The following CFAP97 variants were observed in gnomAD, a reference collection of about 807,000 sequenced individuals.
The protein encoded by CFAP97 is cilia- and flagella-associated protein 97.
Under a neutral mutation model 43.1 loss-of-function variants are expected in CFAP97, and 36 were observed. The observed-to-expected ratio is 0.84, with a 90% CI of 0.64 to 1.10. The LOEUF (loss-of-function observed/expected upper bound fraction) is 1.10, where lower values mean the gene tolerates loss of function less well. Among genes scored for constraint, CFAP97 ranks in the 50% least tolerant of loss-of-function variants. The probability of loss-of-function intolerance (pLI) is 0.00; values close to 1 mark genes in which losing one functional copy is unlikely to be tolerated. For missense variants in CFAP97, 657 were observed against 620.3 expected, an observed-to-expected ratio of 1.06 and a Z score of -0.63; for synonymous variants, 228 against 225.7, an observed-to-expected ratio of 1.01 and a Z score of -0.09.
At chr4:185,173,687 C>T (rs980014568) in intron 3 of CFAP97, among the ~76,000 whole-genome samples, 2 of 151,874 alleles carry the variant, frequency 1.3e-5, no homozygotes, top group Non-Finnish European at 2.9e-5. Context: ...TTAGAATAGC[C>T]GAATTCATAG....
intron 2 of CFAP97, among the ~76,000 whole-genome samples, chr4:185,189,874 T>C (rs1028963479): frequency 6.6e-6 from 1 of 152,250 alleles, no homozygotes; most frequent in African/African-American, 2.4e-5. Flanking sequence ...TCATTTATCT[T>C]ATCCATCTGT....
At chr4:185,162,970 T>C (rs1050652578) in intron 4 of CFAP97, 45 bp from the exon 5 acceptor site, 3 of 1,478,450 alleles carry the variant, frequency 2.0e-6, no homozygotes, top group Admixed American at 2.8e-5. Flanking sequence ...TTCTCCTCAC[T>C]TGAAGTCCAG....
chr4:185,174,975 T>C (rs374400144), intron 3 of CFAP97, among the ~76,000 whole-genome samples: 2 of 152,234 alleles, frequency 1.3e-5, no homozygotes, highest in East Asian at 1.9e-4. Flanking sequence ...TATCAAACTA[T>C]ATGATTTGTA....
At chr4:185,168,014 A>G (rs1438460705) in intron 3 of CFAP97, among the ~76,000 whole-genome samples, 2 of 151,830 alleles carry the variant, frequency 1.3e-5, no homozygotes, top group Non-Finnish European at 2.9e-5. Context: ...AAAAAAAAAA[A>G]AAAAAGAACT....
At position 185,169,483 on chromosome 4, in the gene CFAP97, A is replaced by G. The variant is rs565435033; in HGVS notation, c.1321-5304T>C. On this transcript the variant is annotated intron_variant, in intron 3 of 4. Coordinates refer to ENST00000458385, the MANE Select transcript of CFAP97 (RefSeq NM_020827.3). ...CCTGAGGCTTCTCCAGCCTTGCAGA[A>G]CTGTAAGTCAATTAAAACTCTTTTG... 1.4e-4 allele frequency: 78 copies of G among 549,334 alleles called. No homozygotes were observed. The East Asian group carries it at 9.7e-3, about 68-fold the overall frequency. The allele number at this position is 549,334 out of a possible 1,614,324, so 34.0% of individuals were successfully genotyped here.
At chr4:185,170,511 C>T (rs1735256004) in intron 3 of CFAP97, among the ~76,000 whole-genome samples, 1 of 151,878 alleles carries the variant, frequency 6.6e-6, no homozygotes, top group Non-Finnish European at 1.5e-5. Context: ...AGTCTCCTGC[C>T]TCAGCCTCCT....
At chr4:185,164,266 T>C in intron 3 of CFAP97, 87 bp from the exon 4 acceptor site, 3 of 1,252,330 alleles carry the variant, frequency 2.4e-6, no homozygotes, top group Non-Finnish European at 3.2e-6. Flanking sequence ...TGACATTCAC[T>C]TTCTTTCTTT....
At chr4:185,174,350 C>T (rs1296577533) in intron 3 of CFAP97, among the ~76,000 whole-genome samples, 2 of 152,206 alleles carry the variant, frequency 1.3e-5, no homozygotes, top group African/African-American at 4.8e-5. Context: ...TCAGCTCCCA[C>T]CGACCTCATT....
chr4:185,194,432 T>C (rs536521722), intron 1 of CFAP97, among the ~76,000 whole-genome samples: 2 of 152,182 alleles, frequency 1.3e-5, no homozygotes, highest in Non-Finnish European at 2.9e-5. Flanking sequence ...GAAGTTGCAG[T>C]GAGCTGAGAT....
chr4:185,203,697 G>A (rs1737031891), intron 1 of CFAP97: 1 of 152,286 alleles, frequency 6.6e-6, no homozygotes, highest in Non-Finnish European at 1.5e-5. Context: ...GGGGACCGGG[G>A]TGGAACGGCG....
rs540435456 is a variant in CFAP97, at chr4:185,201,209, C to T, written c.-17+2689G>A. 4.6e-5 allele frequency among the ~76,000 whole-genome samples: 7 copies of T among 151,836 alleles called. No homozygotes were observed. In the South Asian group the frequency reaches 1.5e-3, roughly 32 times the overall value. On this transcript the variant is annotated intron_variant, in intron 1 of 4. Coordinates refer to ENST00000458385, the MANE Select transcript of CFAP97 (RefSeq NM_020827.3). ...GGCGTGGTGGCCCATGTCTGTAATCCCAGCTACTTGGGAGGCTGAGGCAGG... is the reference window on the plus strand; with the variant it reads ...GGCGTGGTGGCCCATGTCTGTAATCTCAGCTACTTGGGAGGCTGAGGCAGG...
chr4:185,179,663 CACTGGGTTG>C (rs1735706572), intron 2 of CFAP97, among the ~76,000 whole-genome samples: 1 of 152,176 alleles, frequency 6.6e-6, no homozygotes. Flanking sequence ...GAAAACACAG[CACTGGGTTG>C]ACTGTAGTCC....
At chr4:185,192,869 T>C (rs1323663847) in intron 1 of CFAP97, among the ~76,000 whole-genome samples, 3 of 150,898 alleles carry the variant, frequency 2.0e-5, no homozygotes, top group Non-Finnish European at 4.4e-5. Flanking sequence ...GCCTCCCGAG[T>C]AGCTGGGACT....
At chr4:185,168,514 G>A (rs1209782833) in intron 3 of CFAP97, among the ~76,000 whole-genome samples, 8 of 152,008 alleles carry the variant, frequency 5.3e-5, no homozygotes, top group Non-Finnish European at 1.5e-5. Flanking sequence ...GGCTGAGGCA[G>A]GGGAATCACT....
intron 3 of CFAP97, chr4:185,169,582 T>C: frequency 4.1e-6 from 4 of 977,826 alleles, no homozygotes; most frequent in Non-Finnish European, 4.9e-6. Context: ...GTCCAAACAT[T>C]TATTTTATAT....
chr4:185,193,512 A>G (rs77437746), intron 1 of CFAP97, among the ~76,000 whole-genome samples: 1 of 152,004 alleles, frequency 6.6e-6, no homozygotes, highest in African/African-American at 2.4e-5. Flanking sequence ...CAGGTGTGGT[A>G]GTGTGCGCCT....
Position 185,186,817 on chromosome 4 carries a change from T to A in CFAP97, c.1054+3326A>T, listed in dbSNP as rs1736023217. 3.9e-5 allele frequency among the ~76,000 whole-genome samples: 6 copies of A among 152,228 alleles called. No individual in the cohort carries two copies. The South Asian group carries it at 1.0e-3, about 26-fold the overall frequency. Reference sequence around the variant, plus strand: ...ATATTTACAGATATAAGCTATAACCTATATAAACAAAAGCTCTTCAGAATC... The same window carrying A: ...ATATTTACAGATATAAGCTATAACCAATATAAACAAAAGCTCTTCAGAATC... On this transcript the variant is annotated intron_variant, in intron 2 of 4. Coordinates refer to ENST00000458385, the MANE Select transcript of CFAP97 (RefSeq NM_020827.3).
chr4:185,164,831 T>C (rs374908969), intron 3 of CFAP97, among the ~76,000 whole-genome samples: 4 of 152,214 alleles, frequency 2.6e-5, no homozygotes, highest in Non-Finnish European at 5.9e-5. Context: ...TAATAGGAGT[T>C]ATAATGCTAA....
At chr4:185,169,834 TATC>T (rs1222591083) in intron 3 of CFAP97, 30 of 985,420 alleles carry the variant, frequency 3.0e-5, no homozygotes, top group African/African-American at 3.5e-5. Flanking sequence ...CACACTGAGT[TATC>T]ATTAGCTTGC....
Sources: allele counts gnomAD v4.1 joint callset (sites outside exome capture counted in the v4.1 genomes callset), GRCh38; gene constraint gnomAD v4.1.1; transcripts MANE v1.5; gene names NCBI Gene and HGNC (gene_info 2026-07-23, HGNC 2026-07-21).